The following KCNIP4 variants were observed in gnomAD, a reference collection of about 807,000 sequenced individuals.
The protein encoded by KCNIP4 is Kv channel-interacting protein 4.
In KCNIP4, 12 loss-of-function variants were observed where a neutral mutation model predicts 34.0. That is an observed-to-expected ratio of 0.35 (90% confidence interval 0.23 to 0.57). KCNIP4 has a LOEUF of 0.57. Among genes scored for constraint, KCNIP4 ranks in the 20% least tolerant of loss-of-function variants. KCNIP4 has a pLI of 0.83. For missense variants in KCNIP4, 238 were observed against 311.7 expected, an observed-to-expected ratio of 0.76 and a Z score of 1.78; for synonymous variants, 124 against 102.2, an observed-to-expected ratio of 1.21 and a Z score of -1.29.
At chr4:21,785,622 A>AT (rs954583399) in intron 1 of KCNIP4, among the ~76,000 whole-genome samples, 1 of 131,324 alleles carries the variant, frequency 7.6e-6, no homozygotes, top group Non-Finnish European at 1.5e-5. Flanking sequence ...AATAAAATAA[A>AT]AAAATAACCA....
intron 1 of KCNIP4, among the ~76,000 whole-genome samples, chr4:21,433,931 G>A (rs1726725734): frequency 6.6e-6 from 1 of 152,110 alleles, no homozygotes; most frequent in African/African-American, 2.4e-5. Flanking sequence ...AAGAGTTACA[G>A]GTCAGGCACA....
At chr4:21,045,822 G>A (rs1390934011) in intron 1 of KCNIP4, among the ~76,000 whole-genome samples, 2 of 152,108 alleles carry the variant, frequency 1.3e-5, no homozygotes, top group Non-Finnish European at 2.9e-5. Flanking sequence ...CATTTATTAA[G>A]TACTTTTCTT....
chr4:21,717,426 C>T (rs1379303864), intron 1 of KCNIP4, among the ~76,000 whole-genome samples: 1 of 152,110 alleles, frequency 6.6e-6, no homozygotes, highest in Non-Finnish European at 1.5e-5. Context: ...AATACACTGG[C>T]TTATAAGCAA....
At chr4:21,288,006 T>C (rs1224309419) in intron 1 of KCNIP4, among the ~76,000 whole-genome samples, 2 of 152,290 alleles carry the variant, frequency 1.3e-5, no homozygotes, top group South Asian at 2.1e-4. Context: ...CTGCAGGAAA[T>C]ATAAGTATAA....
rs868320286 is a variant in KCNIP4 at position 21,032,161 on chromosome 4, C to T, written c.62-149452G>A. Among the ~76,000 whole-genome samples, 7 of 152,236 alleles carry T rather than the reference C, an allele frequency of 4.6e-5. No individual in the cohort carries two copies. In the South Asian group the frequency reaches 8.3e-4, roughly 18 times the overall value. ...TCCTGGAAACTTTAAAGATATCGCT[C>T]ACTCACATAGCTTCTCAAAGAAACA... On this transcript the variant is annotated intron_variant, in intron 1 of 8. Transcript: ENST00000382152.
chr4:20,986,826 G>T (rs930626955), intron 1 of KCNIP4, among the ~76,000 whole-genome samples: 3 of 152,186 alleles, frequency 2.0e-5, no homozygotes, highest in Admixed American at 6.5e-5. Context: ...GTTGGTTTCA[G>T]ATAGAATTTC....
At chr4:21,435,736 A>AT (rs928637993) in intron 1 of KCNIP4, among the ~76,000 whole-genome samples, 13 of 151,636 alleles carry the variant, frequency 8.6e-5, no homozygotes, top group African/African-American at 2.4e-4. Flanking sequence ...TACAGACAAG[A>AT]TTTTTTTTTC....
chr4:21,449,956 C>T (rs1466735091), intron 1 of KCNIP4, among the ~76,000 whole-genome samples: 2 of 152,116 alleles, frequency 1.3e-5, no homozygotes, highest in Admixed American at 1.3e-4. Flanking sequence ...TAATAGCAAA[C>T]ATTCTTTTAC....
chr4:21,458,381 T>C (rs1002528862), intron 1 of KCNIP4, among the ~76,000 whole-genome samples: 4 of 151,796 alleles, frequency 2.6e-5, no homozygotes, highest in Non-Finnish European at 1.5e-5. Context: ...ATTTTCTTAA[T>C]CCAGTCTATC....
At chr4:21,277,763 T>C (rs1762526590) in intron 1 of KCNIP4, among the ~76,000 whole-genome samples, 1 of 151,904 alleles carries the variant, frequency 6.6e-6, no homozygotes, top group South Asian at 2.1e-4. Context: ...TAAAGCAAAA[T>C]AATTCGCCAG....
At chr4:21,446,510 C>A (rs1195771265) in intron 1 of KCNIP4, among the ~76,000 whole-genome samples, 1 of 151,294 alleles carries the variant, frequency 6.6e-6, no homozygotes, top group Non-Finnish European at 1.5e-5. Context: ...TCATTCTCAG[C>A]AAACTATCGC....
intron 1 of KCNIP4, among the ~76,000 whole-genome samples, chr4:21,880,173 C>T (rs1726384460): frequency 6.6e-6 from 1 of 152,112 alleles, no homozygotes; most frequent in Admixed American, 6.6e-5. Flanking sequence ...AGACTTTTGT[C>T]ATGCTATTAA....
chr4:21,133,453 T>C (rs1408368614), intron 1 of KCNIP4, among the ~76,000 whole-genome samples: 3 of 152,186 alleles, frequency 2.0e-5, no homozygotes, highest in African/African-American at 7.2e-5. Context: ...TGTGGGTCTT[T>C]ATGGCAACTC....
intron 1 of KCNIP4, among the ~76,000 whole-genome samples, chr4:21,413,972 A>G (rs935359204): frequency 1.3e-5 from 2 of 152,214 alleles, no homozygotes; most frequent in African/African-American, 4.8e-5. Flanking sequence ...TTTTATGTCC[A>G]TTCATTTATT....
intron 1 of KCNIP4, among the ~76,000 whole-genome samples, chr4:21,512,282 G>T (rs1161106264): frequency 2.6e-5 from 4 of 152,058 alleles, no homozygotes; most frequent in Non-Finnish European, 5.9e-5. Context: ...TTCTTAAAGT[G>T]ACCACATTTT....
chr4:21,322,556 T>C (rs1414539215), intron 1 of KCNIP4, among the ~76,000 whole-genome samples: 1 of 152,128 alleles, frequency 6.6e-6, no homozygotes. Flanking sequence ...AATAAGGACA[T>C]CTGGAAAACA....
intron 1 of KCNIP4, among the ~76,000 whole-genome samples, chr4:21,445,355 G>A (rs1380695376): frequency 4.6e-5 from 7 of 152,076 alleles, no homozygotes; most frequent in African/African-American, 9.7e-5. Flanking sequence ...GAGGCATCAC[G>A]CTACCTGACT....
intron 1 of KCNIP4, among the ~76,000 whole-genome samples, chr4:21,691,810 T>C (rs1381873456): frequency 6.7e-6 from 1 of 149,682 alleles, no homozygotes. Flanking sequence ...GTGATTCTCC[T>C]GCTTCAGCCT....
intron 1 of KCNIP4, among the ~76,000 whole-genome samples, chr4:21,005,550 C>T (rs1738479751): frequency 1.3e-5 from 2 of 152,124 alleles, no homozygotes; most frequent in African/African-American, 2.4e-5. Context: ...ACGTGAACTT[C>T]CTTAAAACAC....
Sources: gnomAD v4.1 joint callset for allele counts (sites outside exome capture counted in the v4.1 genomes callset) on GRCh38, gnomAD v4.1.1 for gene constraint, MANE v1.5 for transcripts, NCBI Gene and HGNC (gene_info 2026-07-23, HGNC 2026-07-21) for gene names.